Variants in CAMKMT observed in about 807,000 individuals in gnomAD.
The protein encoded by CAMKMT is calmodulin-lysine N-methyltransferase.
In CAMKMT, 53 loss-of-function variants were observed where a neutral mutation model predicts 48.0. The observed-to-expected ratio is 1.10, with a 90% CI of 0.89 to 1.39. The LOEUF (loss-of-function observed/expected upper bound fraction) is 1.39. CAMKMT is among the 40% of genes most tolerant of loss of function. CAMKMT has a pLI of 0.00. For synonymous variants in CAMKMT, 165 were observed against 152.3 expected (o/e 1.08, Z -0.61); for missense variants, 428 against 402.7 (o/e 1.06, Z -0.54).
At chr2:44,424,938 A>G (rs1684183592) in intron 3 of CAMKMT, among the ~76,000 whole-genome samples, 1 of 152,212 alleles carries the variant, frequency 6.6e-6, no homozygotes, top group Non-Finnish European at 1.5e-5. Flanking sequence ...AAAAGAACAC[A>G]GAGTGGAATG....
At chr2:44,511,151 A>G (rs182512922) in intron 3 of CAMKMT, among the ~76,000 whole-genome samples, 122 of 151,110 alleles carry the variant, frequency 8.1e-4, no homozygotes, top group African/African-American at 2.9e-3. Context: ...CATTATATCA[A>G]TCTTATGCCT....
rs1483315751 is a variant in CAMKMT at position 44,653,528 on chromosome 2, C to G, written c.377-50755C>G. On this transcript the variant is annotated intron_variant, in intron 3 of 10. Coordinates refer to ENST00000378494, the MANE Select transcript of CAMKMT (RefSeq NM_024766.5). This position sits in a 1 kb window ranked among gnomAD's most constrained non-coding sequence, Gnocchi z 5.2. ...CAGAGCATTTGTAGCAGAGCTAGGA[C>G]TAGACTTCACCTCTTTAGAGCCCAT... Among the ~76,000 whole-genome samples the G allele has an allele frequency of 6.6e-6, 1 of 152,106 alleles. No individual in the cohort carries two copies. The highest frequency in any genetic ancestry group is 1.5e-5 in the Non-Finnish European group (1 of 68,022).
chr2:44,550,890 T>A (rs535901095), intron 3 of CAMKMT: 7 of 152,224 alleles, frequency 4.6e-5, no homozygotes, highest in Non-Finnish European at 8.8e-5. Flanking sequence ...TATATCTTCA[T>A]AGAGACTGCC....
intron 3 of CAMKMT, among the ~76,000 whole-genome samples, chr2:44,463,180 A>G (rs966380058): frequency 6.6e-6 from 1 of 152,204 alleles, no homozygotes; most frequent in Non-Finnish European, 1.5e-5. Context: ...GGATTTGCAT[A>G]ACACACCACT....
rs1009570376 is a variant in CAMKMT, at chr2:44,706,300, T to C, written c.451T>C (p.Cys151Arg). The change falls in exon 5 of 11, where the codon TGT becomes CGT. Residue 151 changes from cysteine (C) to arginine (R), a missense_variant. Physicochemically the swap from Cys to Arg is radical, Grantham distance 180. Coordinates refer to ENST00000378494, the MANE Select transcript of CAMKMT (RefSeq NM_024766.5). ...TCTCTCTTTCAGGGCCCTTGCTGTG[T>C]GTGAGCTAGGGGGTGGCATGACATG... is the stretch of plus-strand genomic sequence containing the variant. Reference protein sequence around the residue: ...HNNIFRALAVCELGGGMTCLA... With the variant: ...HNNIFRALAVRELGGGMTCLA... 2.5e-6 allele frequency: 4 copies of C among 1,613,262 alleles called. No individual in the cohort carries two copies. The African/African-American group carries it at 5.3e-5, about 22-fold the overall frequency.
intron 3 of CAMKMT, among the ~76,000 whole-genome samples, chr2:44,624,886 C>G (rs564848925): frequency 6.6e-6 from 1 of 152,160 alleles, no homozygotes; most frequent in South Asian, 2.1e-4. Context: ...TTCTAGATCC[C>G]TGAGGAATCA....
intron 7 of CAMKMT, 140 bp from the exon 8 acceptor site, chr2:44,743,481 AT>A (rs971933264): frequency 3.8e-5 from 23 of 599,650 alleles, no homozygotes; most frequent in Non-Finnish European, 5.9e-5. Context: ...GTTACATCCT[AT>A]TTTTTATTAT....
intron 7 of CAMKMT, among the ~76,000 whole-genome samples, chr2:44,722,185 T>C (rs1301252049): frequency 6.7e-6 from 1 of 149,082 alleles, no homozygotes; most frequent in Non-Finnish European, 1.5e-5. Flanking sequence ...TCTTTTTTTT[T>C]TTTTTTTTCT....
At chr2:44,528,469 T>C (rs548055704) in intron 3 of CAMKMT, among the ~76,000 whole-genome samples, 1 of 152,302 alleles carries the variant, frequency 6.6e-6, no homozygotes, top group East Asian at 1.9e-4. Flanking sequence ...AAATGATTTA[T>C]AGATATATCA....
Position 44,521,285 on chromosome 2 carries a change from A to AT in CAMKMT, c.376+130990dup, listed in dbSNP as rs1017985938. Among the ~76,000 whole-genome samples the AT allele has an allele frequency of 3.4e-3, 508 of 149,856 alleles. 1 individual carries two copies. The highest frequency in any genetic ancestry group is 0.011 in the African/African-American group (469 of 40,944). ...ATGTTGTAGGCACTATTATCCCAAT[A>AT]TTTTTTTTTTAATAGACAGAGTCTT... On this transcript the variant is annotated intron_variant, in intron 3 of 10. Transcript: ENST00000378494.
chr2:44,430,536 G>A lies in CAMKMT; in HGVS notation c.376+40231G>A, dbSNP rs1572856802. On this transcript the variant is annotated intron_variant, in intron 3 of 10. Transcript: ENST00000378494. Reference sequence around the variant, plus strand: ...AGAGCTACTTGTTTGGCTGCTAGGTGTTAATGCAAATTTGTTCTTCAGCTC... The same window carrying A: ...AGAGCTACTTGTTTGGCTGCTAGGTATTAATGCAAATTTGTTCTTCAGCTC... Among the ~76,000 whole-genome samples, 5 of 151,250 alleles carry A rather than the reference G, an allele frequency of 3.3e-5. No individual in the cohort carries two copies. The Admixed American group carries it at 3.3e-4, about 10-fold the overall frequency.
Position 44,636,559 on chromosome 2 carries a change from G to T in CAMKMT, c.377-67724G>T, listed in dbSNP as rs1286475974. On this transcript the variant is annotated intron_variant, in intron 3 of 10. Transcript: ENST00000378494. ...CTGAAAGAAAGATGGTTTGCAAGAA[G>T]TCAGTGTGCCCCAAATTCATCTTCC... is the stretch of plus-strand genomic sequence containing the variant. 3.3e-5 allele frequency among the ~76,000 whole-genome samples: 5 copies of T among 152,198 alleles called. No individual in the cohort carries two copies. In the South Asian group the frequency reaches 1.0e-3, roughly 31 times the overall value.
Position 44,715,274 on chromosome 2 carries a change from C to T in CAMKMT, c.557-13C>T. ...ACAATCAGTGCAGATGTTTTCTTAA[C>T]TGTGTCCTGTAGATGTGCAAGACAT... is the stretch of plus-strand genomic sequence containing the variant. On this transcript the variant is annotated splice_polypyrimidine_tract_variant and intron_variant, in intron 6 of 10. Transcript: ENST00000378494. 1 of 1,592,846 alleles carries T rather than the reference C, an allele frequency of 6.3e-7. No homozygotes were observed. Among genetic ancestry groups the T allele is most frequent in the Non-Finnish European group, 8.6e-7 (1 of 1,165,918 alleles).
intron 3 of CAMKMT, among the ~76,000 whole-genome samples, chr2:44,454,658 ATC>A (rs1667464661): frequency 6.6e-6 from 1 of 151,938 alleles, no homozygotes; most frequent in Non-Finnish European, 1.5e-5. Flanking sequence ...TCCATTTCTG[ATC>A]TGTTTCTCTA....
intron 3 of CAMKMT, among the ~76,000 whole-genome samples, chr2:44,680,921 G>C (rs933154450): frequency 6.6e-6 from 1 of 152,178 alleles, no homozygotes; most frequent in Non-Finnish European, 1.5e-5. Flanking sequence ...TAAGTGGTAG[G>C]AAATGATAAC....
At chr2:44,439,447 C>T (rs1666497884) in intron 3 of CAMKMT, among the ~76,000 whole-genome samples, 1 of 152,100 alleles carries the variant, frequency 6.6e-6, no homozygotes, top group Non-Finnish European at 1.5e-5. Flanking sequence ...CCCTGCCACC[C>T]ACCTCCTCTT....
At chr2:44,372,673 A>G (rs1454035171) in intron 1 of CAMKMT, 43 bp from the exon 2 acceptor site, 2 of 1,566,648 alleles carry the variant, frequency 1.3e-6, no homozygotes, top group South Asian at 1.2e-5. Context: ...AACTTACTAT[A>G]TGTTTAGATA....
intron 3 of CAMKMT, among the ~76,000 whole-genome samples, chr2:44,402,188 G>T (rs1396798734): frequency 1.3e-5 from 2 of 151,984 alleles, no homozygotes; most frequent in African/African-American, 4.8e-5. Context: ...AATTAGCCAG[G>T]CCTGGTGGCA....
intron 3 of CAMKMT, among the ~76,000 whole-genome samples, chr2:44,551,517 T>C (rs1214317163): frequency 6.6e-6 from 1 of 152,336 alleles, no homozygotes; most frequent in Admixed American, 6.5e-5. Context: ...AGGTCACCTA[T>C]GATCTGTATT....
Sources: allele counts gnomAD v4.1 joint callset (sites outside exome capture counted in the v4.1 genomes callset), GRCh38; gene constraint gnomAD v4.1.1; non-coding constraint Gnocchi (gnomAD v3.1); transcripts MANE v1.5; gene names NCBI Gene and HGNC (gene_info 2026-07-23, HGNC 2026-07-21).